Variants in NEK11 observed in about 807,000 individuals in gnomAD.
NEK11 encodes NIMA related kinase 11.
A neutral mutation model predicts 80.7 loss-of-function variants in NEK11; 72 were observed. The observed-to-expected ratio is 0.89, with a 90% CI of 0.74 to 1.08. The LOEUF (loss-of-function observed/expected upper bound fraction) is 1.08. Among genes scored for constraint, NEK11 ranks in the 50% least tolerant of loss-of-function variants. The pLI, the probability that NEK11 is intolerant of heterozygous loss-of-function variation, is 0.00. For synonymous variants in NEK11, 251 were observed against 260.7 expected (o/e 0.96, Z 0.36); for missense variants, 764 against 763.6 (o/e 1.00, Z -0.01).
At chr3:131,206,821 T>G (rs1426033292) in intron 14 of NEK11, among the ~76,000 whole-genome samples, 2 of 152,102 alleles carry the variant, frequency 1.3e-5, no homozygotes, top group African/African-American at 4.8e-5. Flanking sequence ...CTCCTAATGC[T>G]ATCCCTCCCC....
intron 15 of NEK11, among the ~76,000 whole-genome samples, chr3:131,236,620 G>A (rs942040935): frequency 1.3e-5 from 2 of 152,218 alleles, no homozygotes; most frequent in Non-Finnish European, 2.9e-5. Flanking sequence ...GGAATTCAGT[G>A]AAAGAGGCTT....
chr3:131,090,143 G>T (rs906958345), intron 4 of NEK11, among the ~76,000 whole-genome samples: 1 of 152,160 alleles, frequency 6.6e-6, no homozygotes, highest in Non-Finnish European at 1.5e-5. Context: ...ATCCTTTTAG[G>T]ATTTAAAATT....
At chr3:131,212,394 C>T (rs774160228) in intron 14 of NEK11, among the ~76,000 whole-genome samples, 2 of 152,184 alleles carry the variant, frequency 1.3e-5, no homozygotes, top group Non-Finnish European at 2.9e-5. Flanking sequence ...TATGACGTGT[C>T]AGTCGGCCCC....
At chr3:131,309,521 T>A (rs151009868) in intron 17 of NEK11, among the ~76,000 whole-genome samples, 40 of 152,192 alleles carry the variant, frequency 2.6e-4, no homozygotes, top group African/African-American at 9.6e-4. Flanking sequence ...TAAACACAAG[T>A]CCCAAACAGT....
intron 17 of NEK11, among the ~76,000 whole-genome samples, chr3:131,303,273 C>A (rs1007427522): frequency 6.6e-6 from 1 of 152,122 alleles, no homozygotes; most frequent in African/African-American, 2.4e-5. Context: ...GGCCTTGCTT[C>A]TTTATCCAAC....
chr3:131,322,089 T>C (rs976870901), intron 17 of NEK11, among the ~76,000 whole-genome samples: 8 of 152,168 alleles, frequency 5.3e-5, no homozygotes, highest in African/African-American at 1.9e-4. Context: ...GGAATCAACC[T>C]AGGTGCTCAT....
intron 17 of NEK11, among the ~76,000 whole-genome samples, chr3:131,317,139 T>C (rs568267998): frequency 6.6e-6 from 1 of 152,288 alleles, no homozygotes; most frequent in East Asian, 1.9e-4. Context: ...CAGCTGCAGT[T>C]TGTGGGCACC....
At chr3:131,308,237 A>G (rs1474696922) in intron 17 of NEK11, among the ~76,000 whole-genome samples, 1 of 152,230 alleles carries the variant, frequency 6.6e-6, no homozygotes, top group Non-Finnish European at 1.5e-5. Flanking sequence ...TAGTAACTCA[A>G]CATGGAGCCT....
intron 3 of NEK11, among the ~76,000 whole-genome samples, chr3:131,050,643 T>C (rs1277865855): frequency 2.0e-5 from 3 of 152,278 alleles, no homozygotes; most frequent in African/African-American, 7.2e-5. Flanking sequence ...TCATCAGTTA[T>C]ATCTGAGTTA....
In NEK11 at chr3:131,029,660, A is replaced by G; in HGVS notation, c.-49A>G. 6.4e-7 allele frequency: 1 copy of G among 1,559,730 alleles called. No homozygotes were observed. The highest frequency in any genetic ancestry group is 8.8e-7 in the Non-Finnish European group (1 of 1,136,616). On this transcript the variant is annotated 5_prime_UTR_variant, in exon 3 of 18. An upstream start codon of the reference 5' UTR is lost. Coordinates refer to ENST00000383366, the MANE Select transcript of NEK11 (RefSeq NM_024800.5). ...TTTGACCATTTCTTAGGAGACTGGA[A>G]TGTTAAGTTTCTATAAATGAATGAA...
chr3:131,257,033 G>A (rs1051735905), intron 16 of NEK11, among the ~76,000 whole-genome samples: 3 of 151,938 alleles, frequency 2.0e-5, no homozygotes, highest in African/African-American at 7.3e-5. Context: ...TGCCTGTGCT[G>A]GAGTACAGTG....
At chr3:131,240,936 C>T (rs2095509344) in intron 15 of NEK11, among the ~76,000 whole-genome samples, 1 of 152,160 alleles carries the variant, frequency 6.6e-6, no homozygotes, top group Non-Finnish European at 1.5e-5. Context: ...TGCCTGCTTG[C>T]TGCTGCCTAA....
chr3:131,123,430 G>A (rs749118793), intron 5 of NEK11, among the ~76,000 whole-genome samples: 3 of 152,166 alleles, frequency 2.0e-5, no homozygotes, highest in Non-Finnish European at 4.4e-5. Flanking sequence ...CTCCCAAAGT[G>A]CTGGGATTAC....
chr3:131,121,250 C>G (rs1478398737), intron 5 of NEK11, among the ~76,000 whole-genome samples: 1 of 152,174 alleles, frequency 6.6e-6, no homozygotes, highest in African/African-American at 2.4e-5. Context: ...GCTGGAGGTC[C>G]ATTGCAGACC....
chr3:131,181,072 T>G (rs2093318091), intron 14 of NEK11, among the ~76,000 whole-genome samples: 1 of 152,226 alleles, frequency 6.6e-6, no homozygotes. Flanking sequence ...CCTTGGAACC[T>G]GTGAATATGT....
At chr3:131,345,909 G>GAA (rs1449241322) in intron 17 of NEK11, among the ~76,000 whole-genome samples, 1 of 151,568 alleles carries the variant, frequency 6.6e-6, no homozygotes, top group Non-Finnish European at 1.5e-5. Context: ...TACGCTAAGT[G>GAA]AAAAATAGCC....
intron 11 of NEK11, among the ~76,000 whole-genome samples, chr3:131,164,045 A>G (rs977181710): frequency 1.3e-5 from 2 of 152,246 alleles, no homozygotes; most frequent in Non-Finnish European, 2.9e-5. Context: ...TATCCAAAAA[A>G]TGATTTAGAG....
chr3:131,282,986 G>A (rs2096419789), intron 17 of NEK11, among the ~76,000 whole-genome samples: 1 of 152,192 alleles, frequency 6.6e-6, no homozygotes, highest in African/African-American at 2.4e-5. Flanking sequence ...AGTGTGCTAA[G>A]ACACCTTCTG....
At chr3:131,142,277 G>A (rs1315200843) in intron 7 of NEK11, among the ~76,000 whole-genome samples, 3 of 152,202 alleles carry the variant, frequency 2.0e-5, no homozygotes, top group Non-Finnish European at 4.4e-5. Context: ...TATTCGCAAA[G>A]AGCAATCAAT....
Sources: gnomAD v4.1 joint callset for allele counts (sites outside exome capture counted in the v4.1 genomes callset) on GRCh38, gnomAD v4.1.1 for gene constraint, MANE v1.5 for transcripts, NCBI Gene and HGNC (gene_info 2026-07-23, HGNC 2026-07-21) for gene names.